Variants in C5orf34 observed in about 807,000 individuals in gnomAD.
The protein encoded by C5orf34 is chromosome 5 open reading frame 34.
Under a neutral mutation model 78.4 loss-of-function variants are expected in C5orf34, and 73 were observed. The observed-to-expected ratio is 0.93, with a 90% confidence interval of 0.77 to 1.13. The LOEUF (loss-of-function observed/expected upper bound fraction) is 1.13, where lower values mean the gene tolerates loss of function less well. C5orf34 is among the 50% of genes most tolerant of loss of function. The pLI, the probability that C5orf34 is intolerant of heterozygous loss-of-function variation, is 0.00. For missense variants in C5orf34, 730 were observed against 732.7 expected, an observed-to-expected ratio of 1.00 and a Z score of 0.04; for synonymous variants, 251 against 246.6, an observed-to-expected ratio of 1.02 and a Z score of -0.17.
At chr5:43,495,780 T>C in intron 6 of C5orf34, 2 of 1,578,736 alleles carry the variant, frequency 1.3e-6, no homozygotes, top group Non-Finnish European at 8.7e-7. Flanking sequence ...TCAAGCAGCA[T>C]GGTGCCGCTG....
chr5:43,490,698 T>C lies in C5orf34; in HGVS notation c.1612A>G (p.Arg538Gly), dbSNP rs1198996573. The change falls in exon 11 of 13, where the codon AGA becomes GGA. Residue 538 changes from arginine to glycine, a missense_variant. By Grantham distance (125) the Arg-to-Gly change is moderately radical. Transcript: ENST00000306862. ...TCTCTGGGACTAGTCTGGGTCAGTCTCCTGCACCATGATGTTACTGTTGTC... is the reference window on the plus strand; with the variant it reads ...TCTCTGGGACTAGTCTGGGTCAGTCCCCTGCACCATGATGTTACTGTTGTC... ...YVTTVTSWCRRLTQTSPREMP... is the reference protein window; with the variant it reads ...YVTTVTSWCRGLTQTSPREMP... The C allele has an allele frequency of 6.2e-7, 1 of 1,607,678 alleles. No individual in the cohort carries two copies. Among genetic ancestry groups the C allele is most frequent in the African/African-American group, 1.3e-5 (1 of 74,780 alleles).
chr5:43,502,242 T>C lies in C5orf34; in HGVS notation c.1152+130A>G, dbSNP rs776393112. 4.2e-4 allele frequency: 365 copies of C among 877,588 alleles called. 1 individual carries two copies. Among genetic ancestry groups the C allele is most frequent in the Non-Finnish European group, 5.8e-4 (324 of 554,434 alleles). The allele number at this position is 877,588 out of a possible 1,614,324, so 54.4% of individuals were successfully genotyped here. A position where few individuals can be genotyped will look rare whatever the true frequency, so the allele number is the denominator to read the frequency against. ...TGTACCAATGCTGGCAGTAAGATTA[T>C]ATTAATACTCCAGACTGGGGAGTAG... is the stretch of plus-strand genomic sequence containing the variant. On this transcript the variant is annotated intron_variant, in intron 6 of 12. Coordinates refer to ENST00000306862, the MANE Select transcript of C5orf34 (RefSeq NM_198566.4).
In C5orf34 at chr5:43,490,625, A is replaced by G; in HGVS notation, c.1679+6T>C. On this transcript the variant is annotated splice_donor_region_variant and intron_variant, in intron 11 of 12. Coordinates refer to ENST00000306862, the MANE Select transcript of C5orf34 (RefSeq NM_198566.4). ...CTAAACAGATTTAAGTTTAAAAGAA[A>G]AATACCAATTTTCTTGGAGAACAGA... 1 of 1,575,874 alleles carries G rather than the reference A, an allele frequency of 6.3e-7. No individual in the cohort carries two copies. Among genetic ancestry groups the G allele is most frequent in the Non-Finnish European group, 8.7e-7 (1 of 1,145,742 alleles).
Position 43,504,821 on chromosome 5 carries a change from A to T in C5orf34, c.932+927T>A, listed in dbSNP as rs903767246. ...GAAAAATCATTACTTTTGAAGCATA[A>T]TTCCCTTTTGATGTGTACTCGTAAT... On this transcript the variant is annotated intron_variant, in intron 4 of 12. Coordinates refer to ENST00000306862, the MANE Select transcript of C5orf34 (RefSeq NM_198566.4). Among the ~76,000 whole-genome samples, 3 of 152,194 alleles carry T rather than the reference A, an allele frequency of 2.0e-5. No homozygotes were observed. In the South Asian group the frequency reaches 6.2e-4, roughly 32 times the overall value.
intron 6 of C5orf34, among the ~76,000 whole-genome samples, chr5:43,498,568 T>G (rs1194142700): frequency 2.6e-5 from 4 of 152,224 alleles, no homozygotes; most frequent in African/African-American, 9.6e-5. Context: ...ATTAATAATT[T>G]GGCATCCCTT....
intron 10 of C5orf34, among the ~76,000 whole-genome samples, chr5:43,491,061 TAA>T (rs1172696329): frequency 1.2e-4 from 19 of 152,216 alleles, no homozygotes; most frequent in Non-Finnish European, 5.9e-5. Context: ...AAAATGCGTT[TAA>T]GTTTTATCAA....
Position 43,498,113 on chromosome 5 carries a change from A to G in C5orf34, c.1153-3512T>C, listed in dbSNP as rs187859593. Among the ~76,000 whole-genome samples, 486 of 152,280 alleles carry G rather than the reference A, an allele frequency of 3.2e-3. 3 individuals are homozygous for G. The highest frequency in any genetic ancestry group is 9.1e-3 in the South Asian group (44 of 4,822). On this transcript the variant is annotated intron_variant, in intron 6 of 12. Transcript: ENST00000306862. Reference sequence around the variant, plus strand: ...TACAACTTCAATTTAATAGTTTTTTACTTAATGTCTGTTTTCCCTGTTAGA... The same window carrying G: ...TACAACTTCAATTTAATAGTTTTTTGCTTAATGTCTGTTTTCCCTGTTAGA...
intron 6 of C5orf34, chr5:43,496,533 AT>A: frequency 1.7e-6 from 2 of 1,205,782 alleles, no homozygotes; most frequent in Non-Finnish European, 2.2e-6. Flanking sequence ...CCATTTTCCC[AT>A]TTTTTAAAAA....
At chr5:43,493,710 A>AAATC (rs1745381589) in intron 7 of C5orf34, 98 bp from the exon 8 acceptor site, 2 of 666,330 alleles carry the variant, frequency 3.0e-6, no homozygotes, top group Middle Eastern at 2.6e-4. Context: ...GATGATCAGT[A>AAATC]AATCATTTTC....
intron 11 of C5orf34, among the ~76,000 whole-genome samples, chr5:43,489,947 C>G (rs1361271885): frequency 6.6e-6 from 1 of 152,074 alleles, no homozygotes; most frequent in East Asian, 1.9e-4. Context: ...CTAATTCCAT[C>G]AGGTCTGAAC....
intron 4 of C5orf34, 32 bp from the exon 5 acceptor site, chr5:43,503,792 TG>T: frequency 2.8e-6 from 4 of 1,412,118 alleles, no homozygotes; most frequent in Non-Finnish European, 4.0e-6. Flanking sequence ...CTATTACTTC[TG>T]GTTGCTCAAT....
At chr5:43,495,497 C>T (rs56333629) in intron 6 of C5orf34, 746,456 of 1,599,340 alleles carry the variant, frequency 0.47, 179,422 homozygotes, top group African/African-American at 0.59. Context: ...GTTGCCACGA[C>T]GAACATCCTT....
At chr5:43,498,865 G>A (rs1170560424) in intron 6 of C5orf34, among the ~76,000 whole-genome samples, 1 of 152,138 alleles carries the variant, frequency 6.6e-6, no homozygotes, top group Non-Finnish European at 1.5e-5. Context: ...TAGTGATCTG[G>A]CTTCTTCTCT....
At chr5:43,514,383 A>G (rs1482915598) in intron 1 of C5orf34, 2 of 152,236 alleles carry the variant, frequency 1.3e-5, no homozygotes, top group African/African-American at 4.8e-5. Flanking sequence ...TATATCGGGT[A>G]TGTCTACTTG....
At chr5:43,499,180 G>A (rs562923765) in intron 6 of C5orf34, among the ~76,000 whole-genome samples, 5 of 152,188 alleles carry the variant, frequency 3.3e-5, no homozygotes, top group East Asian at 1.9e-4. Flanking sequence ...CAGGAAAAGC[G>A]TCTGTGAGGA....
At chr5:43,503,583 G>C in intron 5 of C5orf34, 82 bp downstream of exon 5, 4 of 914,068 alleles carry the variant, frequency 4.4e-6, no homozygotes, top group Non-Finnish European at 7.3e-6. Flanking sequence ...CTGAGAGTCT[G>C]TCTATAAGGC....
At chr5:43,512,713 A>T (rs1746322023) in intron 1 of C5orf34, among the ~76,000 whole-genome samples, 1 of 143,290 alleles carries the variant, frequency 7.0e-6, no homozygotes. Flanking sequence ...TCCACATTTC[A>T]TCCCTTCTTA....
chr5:43,487,184 G>T, intron 12 of C5orf34, 73 bp from the exon 13 acceptor site: 1 of 673,986 alleles, frequency 1.5e-6, no homozygotes, highest in Non-Finnish European at 2.3e-6. Flanking sequence ...AGAAAGCATA[G>T]GCTTCATATT....
chr5:43,515,066 T>C lies in C5orf34; in HGVS notation c.-297A>G, dbSNP rs1036704081. On this transcript the variant is annotated 5_prime_UTR_variant, in exon 1 of 13. Coordinates refer to ENST00000306862, the MANE Select transcript of C5orf34 (RefSeq NM_198566.4). Reference sequence around the variant, plus strand: ...ACAGGAAAGCGGAGACAGCGCCAACTGTAACCACTAAGAGAAAGCGCAAAC... The same window carrying C: ...ACAGGAAAGCGGAGACAGCGCCAACCGTAACCACTAAGAGAAAGCGCAAAC... 6.6e-6 allele frequency: 1 copy of C among 152,260 alleles called. No homozygotes were observed. The allele number at this position is 152,260 out of a possible 1,614,324, so 9.4% of individuals were successfully genotyped here.
Sources: allele counts gnomAD v4.1 joint callset (sites outside exome capture counted in the v4.1 genomes callset), GRCh38; gene constraint gnomAD v4.1.1; transcripts MANE v1.5; gene names NCBI Gene and HGNC (gene_info 2026-07-23, HGNC 2026-07-21).